Variants in GAPDH observed in about 807,000 individuals in gnomAD.
The protein encoded by GAPDH is glyceraldehyde-3-phosphate dehydrogenase, also known as OCAS, p38 component.
A neutral mutation model predicts 31.2 loss-of-function variants in GAPDH; 13 were observed. That is an observed-to-expected ratio of 0.42 (90% CI 0.27 to 0.66). The LOEUF is 0.66. GAPDH is among the 30% of genes least tolerant of loss of function. The probability of loss-of-function intolerance (pLI) is 0.26; values close to 1 mark genes in which losing one functional copy is unlikely to be tolerated. For synonymous variants in GAPDH, 211 were observed against 166.9 expected (o/e 1.26, Z -2.04); for missense variants, 300 against 443.7 (o/e 0.68, Z 2.91).
Position 6,534,837 on chromosome 12 carries a change from G to A in GAPDH, c.5G>A (p.Gly2Glu), listed in dbSNP as rs1447959914. Residue 2 changes from glycine to glutamate, a missense_variant, in exon 2 of 9, where the codon GGG (glycine) becomes GAG (glutamate). Transcript: ENST00000229239. Reference sequence around the variant, plus strand: ...GAGCCACATCGCTCAGACACCATGGGGAAGGTGAAGGTCGGAGTCAACGGG... The same window carrying A: ...GAGCCACATCGCTCAGACACCATGGAGAAGGTGAAGGTCGGAGTCAACGGG... MGKVKVGVNGFG... is the reference protein window; with the variant it reads MEKVKVGVNGFG... The A allele has an allele frequency of 1.9e-6, 3 of 1,613,516 alleles. No homozygotes were observed. The highest frequency in any genetic ancestry group is 1.3e-5 in the African/African-American group (1 of 74,900).
rs1065691 is a variant in GAPDH, at chr12:6,537,154, T to C, written c.381T>C (p.Asp127=). The change falls in exon 6 of 9, where the codon GAT becomes GAC. Residue 127 remains aspartate (D), a synonymous_variant. Transcript: ENST00000229239. The surrounding 1 kb of genome is among the most constrained non-coding windows in gnomAD (Gnocchi z 4.9). ...TCATCATCTCTGCCCCCTCTGCTGA[T>C]GCCCCCATGTTCGTCATGGGTGTGA... The part of the protein sequence containing the change: ...KRVIISAPSA[D]APMFVMGVNH... 386,244 of 1,610,616 alleles carry C rather than the reference T, an allele frequency of 0.24. 50,649 individuals carry two copies. Among genetic ancestry groups the C allele is most frequent in the African/African-American group, 0.49 (36,815 of 74,860 alleles).
chr12:6,538,089 T>TTCA lies in GAPDH; in HGVS notation c.939-9_939-7dup. ...CAGAAAAAGGGCCCTGACAACTCTTTTCATCTTCTAGGTATGACAACGAAT... is the reference window on the plus strand; with the variant it reads ...CAGAAAAAGGGCCCTGACAACTCTTTTCATCATCTTCTAGGTATGACAACGAAT... On this transcript the variant is annotated splice_polypyrimidine_tract_variant and intron_variant, in intron 8 of 8. Transcript: ENST00000229239. 6.3e-7 allele frequency: 1 copy of TTCA among 1,592,264 alleles called. No individual in the cohort carries two copies. The highest frequency in any genetic ancestry group is 8.5e-7 in the Non-Finnish European group (1 of 1,179,520).
In GAPDH at chr12:6,537,531, GAGGT is replaced by G; in HGVS notation, c.526-50_526-47del. 1 of 1,590,352 alleles carries G rather than the reference GAGGT, an allele frequency of 6.3e-7. No homozygotes were observed. Among genetic ancestry groups the G allele is most frequent in the South Asian group, 1.1e-5 (1 of 87,680 alleles). On this transcript the variant is annotated intron_variant, in intron 7 of 8. Transcript: ENST00000229239. This position sits in a 1 kb window ranked among gnomAD's most constrained non-coding sequence, Gnocchi z 4.9. ...ATAATTTCCTTTCAAGGTGGGGAGG[GAGGT>G]AGAGGGGTGATGTGGGGAGTACGCT...
At position 6,536,664 on chromosome 12, in the gene GAPDH, A is replaced by T; in HGVS notation, c.130-20A>T. 1 of 1,607,734 alleles carries T rather than the reference A, an allele frequency of 6.2e-7. No homozygotes were observed. The highest frequency in any genetic ancestry group is 1.1e-5 in the South Asian group (1 of 90,852). On this transcript the variant is annotated intron_variant, in intron 3 of 8. Coordinates refer to ENST00000229239, the MANE Select transcript of GAPDH (RefSeq NM_002046.7). ...CCTGGCTGATGGGCAGCCCCTTCATACCCTCACGTATTCCCCCAGGTTTAC... is the reference window on the plus strand; with the variant it reads ...CCTGGCTGATGGGCAGCCCCTTCATTCCCTCACGTATTCCCCCAGGTTTAC...
chr12:6,534,567 C>T lies in GAPDH; in HGVS notation c.-26C>T. 5.6e-6 allele frequency: 3 copies of T among 533,720 alleles called. No individual in the cohort carries two copies. Among genetic ancestry groups the T allele is most frequent in the East Asian group, 7.0e-5 (2 of 28,734 alleles). The allele number at this position is 533,720 out of a possible 1,614,324, so 33.1% of individuals were successfully genotyped here. On this transcript the variant is annotated splice_region_variant and 5_prime_UTR_variant, in exon 1 of 9. Transcript: ENST00000229239. ...TCAGCCGCATCTTCTTTTGCGTCGC[C>T]AGGTGAAGACGGGCGGAGAGAAACC... is the stretch of plus-strand genomic sequence containing the variant.
In GAPDH at chr12:6,538,291, T is replaced by C. The variant is rs891285761; in HGVS notation, c.*121T>C. On this transcript the variant is annotated 3_prime_UTR_variant, in exon 9 of 9. Transcript: ENST00000229239. ...GAATCTCCCCTCCTCACAGTTGCCA[T>C]GTAGACCCCTTGAAGAGGGGAGGGG... 5.0e-6 allele frequency: 4 copies of C among 803,782 alleles called. No homozygotes were observed. Among genetic ancestry groups the C allele is most frequent in the Admixed American group, 4.2e-5 (2 of 47,252 alleles). The allele number at this position is 803,782 out of a possible 1,614,324, so 49.8% of individuals were successfully genotyped here.
intron 2 of GAPDH, chr12:6,535,163 C>G: frequency 9.2e-7 from 1 of 1,085,188 alleles, no homozygotes; most frequent in Non-Finnish European, 1.2e-6. Flanking sequence ...CGCTTTCTTT[C>G]CTTTCGCGCT....
chr12:6,537,304 T>G lies in GAPDH; in HGVS notation c.444-5T>G. The G allele has an allele frequency of 1.3e-6, 2 of 1,598,990 alleles. No homozygotes were observed. The highest frequency in any genetic ancestry group is 2.7e-5 in the African/African-American group (2 of 74,952). ...ACTTGCGCCCCGCTCCCTCTTTCTT[T>G]GCAGCAATGCCTCCTGCACCACCAA... On this transcript the variant is annotated splice_polypyrimidine_tract_variant and splice_region_variant and intron_variant, in intron 6 of 8. Coordinates refer to ENST00000229239, the MANE Select transcript of GAPDH (RefSeq NM_002046.7). The surrounding 1 kb of genome is among the most constrained non-coding windows in gnomAD (Gnocchi z 4.9).
Position 6,537,520 on chromosome 12 carries a change from A to AG in GAPDH, c.526-62dup. The AG allele has an allele frequency of 6.3e-7, 1 of 1,586,506 alleles. No individual in the cohort carries two copies. The highest frequency in any genetic ancestry group is 8.6e-7 in the Non-Finnish European group (1 of 1,164,314). ...CTGGCTTTCCCATAATTTCCTTTCA[A>AG]GGTGGGGAGGGAGGTAGAGGGGTGA... On this transcript the variant is annotated intron_variant, in intron 7 of 8. Transcript: ENST00000229239. The surrounding 1 kb of genome is among the most constrained non-coding windows in gnomAD (Gnocchi z 4.9).
At position 6,537,928 on chromosome 12, in the gene GAPDH, C is replaced by G. The variant is rs779190571; in HGVS notation, c.870C>G (p.Thr290=). The change falls in exon 8 of 9, where the codon ACC becomes ACG. Residue 290 remains threonine, a synonymous_variant. Transcript: ENST00000229239. This position sits in a 1 kb window ranked among gnomAD's most constrained non-coding sequence, Gnocchi z 4.9. ...QVVSSDFNSD[T]HSSTFDAGAG... ...TCTCCTCTGACTTCAACAGCGACACCCACTCCTCCACCTTTGACGCTGGGG... is the reference window on the plus strand; with the variant it reads ...TCTCCTCTGACTTCAACAGCGACACGCACTCCTCCACCTTTGACGCTGGGG... 3.7e-6 allele frequency: 6 copies of G among 1,614,132 alleles called. No homozygotes were observed. In the South Asian group the frequency reaches 6.6e-5, roughly 18 times the overall value.
rs755135834 is a variant in GAPDH at position 6,537,417 on chromosome 12, G to A, written c.525+27G>A. ...TATGAGAGCTGGGGAATGGGACTGAGGCTCCCACCTTTCTCATCCAAGACT... is the reference window on the plus strand; with the variant it reads ...TATGAGAGCTGGGGAATGGGACTGAAGCTCCCACCTTTCTCATCCAAGACT... On this transcript the variant is annotated intron_variant, in intron 7 of 8. Coordinates refer to ENST00000229239, the MANE Select transcript of GAPDH (RefSeq NM_002046.7). This position sits in a 1 kb window ranked among gnomAD's most constrained non-coding sequence, Gnocchi z 4.9. The A allele has an allele frequency of 3.7e-6, 6 of 1,600,104 alleles. No individual in the cohort carries two copies. Among genetic ancestry groups the A allele is most frequent in the Admixed American group, 3.3e-5 (2 of 59,950 alleles).
At position 6,534,643 on chromosome 12, in the gene GAPDH, G is replaced by C; in HGVS notation, c.-24+74G>C. The C allele has an allele frequency of 7.6e-6, 5 of 661,364 alleles. No individual in the cohort carries two copies. In the South Asian group the frequency reaches 8.6e-5, roughly 11 times the overall value. 41.0% of individuals were successfully genotyped at this position (661,364 alleles called of 1,614,324 possible). A position where few individuals can be genotyped will look rare whatever the true frequency, so the allele number is the denominator to read the frequency against. On this transcript the variant is annotated intron_variant, in intron 1 of 8. Coordinates refer to ENST00000229239, the MANE Select transcript of GAPDH (RefSeq NM_002046.7). ...CGGCAGGGGCGGGCGCAGGCCGGAT[G>C]TGTTCGCGCCGCTGCGGGGTGGGCC...
chr12:6,536,878 C>T, intron 4 of GAPDH, 42 bp from the exon 5 acceptor site: 1 of 1,590,940 alleles, frequency 6.3e-7, no homozygotes, highest in South Asian at 1.1e-5. Flanking sequence ...ACCTTGTGTC[C>T]CTCAATATGG....
rs776162625 is a variant in GAPDH at position 6,537,199 on chromosome 12, C to T, written c.426C>T (p.Asn142=). The T allele has an allele frequency of 2.3e-5, 37 of 1,612,438 alleles. No homozygotes were observed. Among genetic ancestry groups the T allele is most frequent in the Non-Finnish European group, 3.1e-5 (36 of 1,179,816 alleles). ...VMGVNHEKYD[N]SLKIISNASC... is the part of the protein sequence containing the mutation. ...GTGTGAACCATGAGAAGTATGACAA[C>T]AGCCTCAAGATCATCAGGTGAGGAA... The change falls in exon 6 of 9, where the codon AAC becomes AAT. Residue 142 remains asparagine (N), a synonymous_variant. Transcript: ENST00000229239. The surrounding 1 kb of genome is among the most constrained non-coding windows in gnomAD (Gnocchi z 4.9).
intron 2 of GAPDH, among the ~76,000 whole-genome samples, chr12:6,535,954 C>T (rs906128852): frequency 2.6e-5 from 4 of 152,210 alleles, no homozygotes; most frequent in African/African-American, 9.7e-5. Flanking sequence ...CTTGGCAAAT[C>T]AAAGCCCTGG....
rs1410849970 is a variant in GAPDH, at chr12:6,537,304, T to C, written c.444-5T>C. ...ACTTGCGCCCCGCTCCCTCTTTCTT[T>C]GCAGCAATGCCTCCTGCACCACCAA... On this transcript the variant is annotated splice_polypyrimidine_tract_variant and splice_region_variant and intron_variant, in intron 6 of 8. Coordinates refer to ENST00000229239, the MANE Select transcript of GAPDH (RefSeq NM_002046.7). This position sits in a 1 kb window ranked among gnomAD's most constrained non-coding sequence, Gnocchi z 4.9. 1 of 1,598,990 alleles carries C rather than the reference T, an allele frequency of 6.3e-7. No individual in the cohort carries two copies. The highest frequency in any genetic ancestry group is 1.2e-5 in the South Asian group (1 of 86,118).
Position 6,538,248 on chromosome 12 carries a change from TC to T in GAPDH, c.*79del, listed in dbSNP as rs1302831925. On this transcript the variant is annotated 3_prime_UTR_variant, in exon 9 of 9. Transcript: ENST00000229239. The stretch of plus-strand genomic sequence containing the variant: ...CACTGCTGGGGAGTCCCTGCCACAC[TC>T]AGTCCCCCACCACACTGAATCTCCC... The T allele has an allele frequency of 8.7e-7, 1 of 1,153,310 alleles. No individual in the cohort carries two copies. The highest frequency in any genetic ancestry group is 1.3e-6 in the Non-Finnish European group (1 of 778,518). 71.4% of individuals were successfully genotyped at this position (1,153,310 alleles called of 1,614,324 possible). A position where few individuals can be genotyped will look rare whatever the true frequency, so the allele number is the denominator to read the frequency against.
chr12:6,534,555 C>T lies in GAPDH; in HGVS notation c.-38C>T. On this transcript the variant is annotated 5_prime_UTR_variant, in exon 1 of 9. Transcript: ENST00000229239. ...CCTGTTCGACAGTCAGCCGCATCTT[C>T]TTTTGCGTCGCCAGGTGAAGACGGG... is the stretch of plus-strand genomic sequence containing the variant. 1.9e-6 allele frequency: 1 copy of T among 521,334 alleles called. No individual in the cohort carries two copies. 32.3% of individuals were successfully genotyped at this position (521,334 alleles called of 1,614,324 possible). A position where few individuals can be genotyped will look rare whatever the true frequency, so the allele number is the denominator to read the frequency against.
rs1486094633 is a variant in GAPDH at position 6,537,272 on chromosome 12, TC to T, written c.444-33del. The T allele has an allele frequency of 6.3e-7, 1 of 1,598,812 alleles. No homozygotes were observed. On this transcript the variant is annotated intron_variant, in intron 6 of 8. Coordinates refer to ENST00000229239, the MANE Select transcript of GAPDH (RefSeq NM_002046.7). This position sits in a 1 kb window ranked among gnomAD's most constrained non-coding sequence, Gnocchi z 4.9. ...CCAGCCTGGCACCCTATGGACACGC[TC>T]CCCTGACTTGCGCCCCGCTCCCTCT...
Sources: gnomAD v4.1 joint callset for allele counts (sites outside exome capture counted in the v4.1 genomes callset) on GRCh38, gnomAD v4.1.1 for gene constraint, Gnocchi (gnomAD v3.1) non-coding constraint, MANE v1.5 for transcripts, NCBI Gene and HGNC (gene_info 2026-07-23, HGNC 2026-07-21) for gene names.